Variants in ARHGAP15 observed in about 807,000 individuals in gnomAD.
ARHGAP15 encodes rho GTPase-activating protein 15.
In ARHGAP15, 51 loss-of-function variants were observed where a neutral mutation model predicts 63.7. The ratio of observed to expected loss-of-function variants is 0.80; its 90% confidence interval spans 0.64 to 1.01. ARHGAP15 has a LOEUF of 1.01. Ranked by LOEUF, ARHGAP15 falls within the 50% of genes least tolerant of loss-of-function variation. The pLI, the probability that ARHGAP15 is intolerant of heterozygous loss-of-function variation, is 0.00. For missense variants in ARHGAP15, 560 were observed against 564.6 expected, an observed-to-expected ratio of 0.99 and a Z score of 0.08; for synonymous variants, 191 against 193.8, an observed-to-expected ratio of 0.99 and a Z score of 0.12.
intron 1 of ARHGAP15, among the ~76,000 whole-genome samples, chr2:143,142,906 A>T (rs1689429108): frequency 6.6e-6 from 1 of 152,142 alleles, no homozygotes. Context: ...GAGAAGAAAA[A>T]TGTTCAATGA....
intron 3 of ARHGAP15, among the ~76,000 whole-genome samples, chr2:143,203,241 C>T (rs1355961088): frequency 1.3e-5 from 2 of 152,094 alleles, no homozygotes; most frequent in Non-Finnish European, 2.9e-5. Context: ...TTCCAGATCC[C>T]ACATCCCCAC....
chr2:143,768,157 C>A lies in ARHGAP15; in HGVS notation c.1413C>A (p.Gly471=). ...LMLSEYSKIF[G]SEED Reference sequence around the variant, plus strand: ...TGAGTGAGTACAGTAAGATCTTCGGCTCAGAGGAAGACTGACAGACAAGAC... The same window carrying A: ...TGAGTGAGTACAGTAAGATCTTCGGATCAGAGGAAGACTGACAGACAAGAC... The change falls in exon 14 of 14, where the codon GGC becomes GGA. Residue 471 remains glycine (G), a synonymous_variant. Coordinates refer to ENST00000295095, the MANE Select transcript of ARHGAP15 (RefSeq NM_018460.4). 2 of 1,613,322 alleles carry A rather than the reference C, an allele frequency of 1.2e-6. No individual in the cohort carries two copies. Among genetic ancestry groups the A allele is most frequent in the East Asian group, 2.2e-5 (1 of 44,858 alleles).
At chr2:143,371,255 A>C (rs1558926452) in intron 6 of ARHGAP15, among the ~76,000 whole-genome samples, 1 of 152,206 alleles carries the variant, frequency 6.6e-6, no homozygotes, top group Non-Finnish European at 1.5e-5. Context: ...GCACCTATTA[A>C]CCTGTCATCT....
At chr2:143,750,485 T>C (rs1050702518) in intron 13 of ARHGAP15, among the ~76,000 whole-genome samples, 1 of 152,192 alleles carries the variant, frequency 6.6e-6, no homozygotes, top group Non-Finnish European at 1.5e-5. Flanking sequence ...GGTTTTCACA[T>C]ACATTTTTAA....
chr2:143,321,250 C>A (rs1359977383), intron 6 of ARHGAP15, among the ~76,000 whole-genome samples: 2 of 152,132 alleles, frequency 1.3e-5, no homozygotes, highest in Non-Finnish European at 2.9e-5. Flanking sequence ...TGGTAACTGC[C>A]CCAGTCCAAT....
chr2:143,280,909 A>G (rs1681810251), intron 6 of ARHGAP15, among the ~76,000 whole-genome samples: 2 of 152,150 alleles, frequency 1.3e-5, no homozygotes, highest in African/African-American at 4.8e-5. Context: ...AGAGATGACA[A>G]ATGCAAAAAG....
At chr2:143,212,402 A>T (rs1692596621) in intron 3 of ARHGAP15, among the ~76,000 whole-genome samples, 1 of 152,224 alleles carries the variant, frequency 6.6e-6, no homozygotes, top group African/African-American at 2.4e-5. Context: ...CTTTCCAGCC[A>T]TTTAATGTTA....
chr2:143,388,941 G>GA (rs1383849950), intron 6 of ARHGAP15, among the ~76,000 whole-genome samples: 1 of 151,804 alleles, frequency 6.6e-6, no homozygotes, highest in African/African-American at 2.4e-5. Context: ...GTCAAGTGGA[G>GA]AATTAATTTT....
chr2:143,620,173 T>G (rs190357690), intron 11 of ARHGAP15, among the ~76,000 whole-genome samples: 1 of 152,310 alleles, frequency 6.6e-6, no homozygotes, highest in South Asian at 2.1e-4. Flanking sequence ...TTTTCCCATT[T>G]GATACCAACA....
chr2:143,593,020 G>A (rs13427727), intron 11 of ARHGAP15, among the ~76,000 whole-genome samples: 42,439 of 152,072 alleles, frequency 0.28, 6,592 homozygotes, highest in African/African-American at 0.42. Context: ...TAGCATAGGA[G>A]AGCCTGAAGA....
chr2:143,591,614 CTTTTTTTT>C (rs67060048), intron 11 of ARHGAP15, among the ~76,000 whole-genome samples: 13 of 124,108 alleles, frequency 1.0e-4, no homozygotes, highest in Non-Finnish European at 2.0e-4. Flanking sequence ...TTTGTTTGTT[CTTTTTTTT>C]TTTTCTTTTT....
intron 2 of ARHGAP15, among the ~76,000 whole-genome samples, chr2:143,199,799 C>T (rs760546955): frequency 1.6e-4 from 25 of 152,196 alleles, no homozygotes; most frequent in Non-Finnish European, 3.2e-4. Context: ...ATCCACCTCC[C>T]CAATGGACAC....
intron 12 of ARHGAP15, among the ~76,000 whole-genome samples, chr2:143,690,018 C>T (rs543829589): frequency 3.9e-5 from 6 of 152,316 alleles, no homozygotes; most frequent in African/African-American, 1.2e-4. Flanking sequence ...ACAGCATTAA[C>T]TGTGTAGGAA....
chr2:143,725,679 C>T (rs919084695), intron 13 of ARHGAP15, among the ~76,000 whole-genome samples: 1 of 152,162 alleles, frequency 6.6e-6, no homozygotes, highest in African/African-American at 2.4e-5. Context: ...TAAGACCTTC[C>T]TCAAGATTTT....
chr2:143,503,576 T>C (rs1693170652), intron 9 of ARHGAP15, among the ~76,000 whole-genome samples: 1 of 152,226 alleles, frequency 6.6e-6, no homozygotes, highest in Non-Finnish European at 1.5e-5. Context: ...ATGGTTATAC[T>C]CTACTCCCAG....
At chr2:143,296,622 C>G (rs944565551) in intron 6 of ARHGAP15, among the ~76,000 whole-genome samples, 9 of 151,902 alleles carry the variant, frequency 5.9e-5, no homozygotes, top group Non-Finnish European at 1.0e-4. Flanking sequence ...GGGGTCTTAC[C>G]AGCTCTGATT....
At chr2:143,598,713 C>G (rs1019074927) in intron 11 of ARHGAP15, among the ~76,000 whole-genome samples, 2 of 151,992 alleles carry the variant, frequency 1.3e-5, no homozygotes, top group African/African-American at 4.8e-5. Flanking sequence ...CAAGATCAGC[C>G]TGGACAGCAA....
At chr2:143,196,017 T>G (rs971283805) in intron 2 of ARHGAP15, among the ~76,000 whole-genome samples, 1 of 152,148 alleles carries the variant, frequency 6.6e-6, no homozygotes. Context: ...GAAGACACTT[T>G]GAAAAACTGA....
At chr2:143,416,591 C>G (rs1688688832) in intron 6 of ARHGAP15, among the ~76,000 whole-genome samples, 1 of 152,166 alleles carries the variant, frequency 6.6e-6, no homozygotes, top group South Asian at 2.1e-4. Flanking sequence ...TGGTATCAAG[C>G]TGCTCCCACT....
Sources: allele counts gnomAD v4.1 joint callset (sites outside exome capture counted in the v4.1 genomes callset), GRCh38; gene constraint gnomAD v4.1.1; transcripts MANE v1.5; gene names NCBI Gene and HGNC (gene_info 2026-07-23, HGNC 2026-07-21).